The following CNGA3 variants were observed in gnomAD, a reference collection of about 807,000 sequenced individuals.
The protein encoded by CNGA3 is cyclic nucleotide-gated channel alpha-3.
Under a neutral mutation model 46.6 loss-of-function variants are expected in CNGA3, and 42 were observed. The observed-to-expected ratio is 0.90, with a 90% CI of 0.70 to 1.17. The LOEUF (loss-of-function observed/expected upper bound fraction) is 1.17. Among genes scored for constraint, CNGA3 ranks in the 50% most tolerant of loss-of-function variants. CNGA3 has a pLI of 0.00. For missense variants in CNGA3, 893 were observed against 890.7 expected (o/e 1.00, Z -0.03); for synonymous variants, 394 against 369.4 (o/e 1.07, Z -0.76).
At chr2:98,387,946 CGTCTCCA>C (rs2104224825) in intron 5 of CNGA3, among the ~76,000 whole-genome samples, 1 of 152,308 alleles carries the variant, frequency 6.6e-6, no homozygotes, top group Non-Finnish European at 1.5e-5. Context: ...TACCTCAAAA[CGTCTCCA>C]GTCTCTGGCT....
intron 1 of CNGA3, among the ~76,000 whole-genome samples, chr2:98,351,679 G>T (rs746134576): frequency 6.6e-6 from 1 of 152,128 alleles, no homozygotes; most frequent in African/African-American, 2.4e-5. Context: ...CACGTAAAAA[G>T]TTATAGAGCA....
intron 1 of CNGA3, among the ~76,000 whole-genome samples, chr2:98,358,021 T>A (rs1376914553): frequency 1.3e-5 from 2 of 152,262 alleles, no homozygotes; most frequent in Non-Finnish European, 2.9e-5. Flanking sequence ...GATTCACGCG[T>A]GATGGATATG....
At chr2:98,379,466 G>T (rs1469784030) in intron 3 of CNGA3, among the ~76,000 whole-genome samples, 1 of 151,940 alleles carries the variant, frequency 6.6e-6, no homozygotes, top group Non-Finnish European at 1.5e-5. Context: ...TGGAGGGAAG[G>T]CCCCTCTCAG....
chr2:98,373,499 G>A (rs1353063755), intron 2 of CNGA3, among the ~76,000 whole-genome samples: 1 of 152,146 alleles, frequency 6.6e-6, no homozygotes, highest in Non-Finnish European at 1.5e-5. Flanking sequence ...CCAAGTCTCT[G>A]TCCCCTGAGA....
At chr2:98,375,905 C>T (rs1437888246) in intron 2 of CNGA3, among the ~76,000 whole-genome samples, 4 of 152,064 alleles carry the variant, frequency 2.6e-5, no homozygotes, top group Non-Finnish European at 5.9e-5. Context: ...TCTGAACTCC[C>T]ATTTCCTCTC....
At chr2:98,395,762 T>C (rs1427455632) in intron 7 of CNGA3, 82 bp from the exon 8 acceptor site, 2 of 1,133,970 alleles carry the variant, frequency 1.8e-6, no homozygotes, top group Non-Finnish European at 2.7e-6. Context: ...TGTGTAGCCG[T>C]GAGGTAAAAT....
intron 4 of CNGA3, among the ~76,000 whole-genome samples, chr2:98,381,518 T>A (rs1233221824): frequency 6.6e-6 from 1 of 151,942 alleles, no homozygotes; most frequent in African/African-American, 2.4e-5. Context: ...CATATTTGTA[T>A]GGGGAGTGGC....
At chr2:98,379,178 C>T (rs572976484) in intron 3 of CNGA3, among the ~76,000 whole-genome samples, 4 of 152,306 alleles carry the variant, frequency 2.6e-5, no homozygotes, top group African/African-American at 9.6e-5. Context: ...AATATGTCTG[C>T]GGCAGCAGCT....
At chr2:98,386,914 C>T (rs1028647139) in intron 5 of CNGA3, among the ~76,000 whole-genome samples, 1 of 152,158 alleles carries the variant, frequency 6.6e-6, no homozygotes, top group African/African-American at 2.4e-5. Context: ...ATCAGAGCCC[C>T]GCCTAGAGAC....
chr2:98,373,445 G>A (rs921997263), intron 2 of CNGA3, among the ~76,000 whole-genome samples: 1 of 152,176 alleles, frequency 6.6e-6, no homozygotes, highest in African/African-American at 2.4e-5. Context: ...AAACCTGCGT[G>A]TGGGTATGGC....
intron 1 of CNGA3, among the ~76,000 whole-genome samples, chr2:98,347,351 C>G (rs1007617731): frequency 1.3e-5 from 2 of 152,186 alleles, no homozygotes. Flanking sequence ...GATAAAGGCG[C>G]CGGGCTCCCA....
chr2:98,372,304 C>T (rs543775906), intron 2 of CNGA3, among the ~76,000 whole-genome samples: 30 of 152,328 alleles, frequency 2.0e-4, no homozygotes, highest in African/African-American at 6.7e-4. Context: ...AAATGAATTG[C>T]TAGCTTGTTA....
rs1692252505 is a variant in CNGA3, at chr2:98,370,095, G to C, written c.101+19G>C. ...TCAGCAGGTAAGATGGGCTAAGATG[G>C]GCTTTTCATTTTATGCCTGGCTCTG... On this transcript the variant is annotated intron_variant, in intron 2 of 7. Transcript: ENST00000272602. The C allele has an allele frequency of 1.9e-6, 3 of 1,575,548 alleles. No individual in the cohort carries two copies. The highest frequency in any genetic ancestry group is 2.6e-6 in the Non-Finnish European group (3 of 1,146,320).
Position 98,369,831 on chromosome 2 carries a change from G to A in CNGA3, c.-37-108G>A, listed in dbSNP as rs2104174414. ...ACAAGAGACAGCAGAGGGTGTGCCT[G>A]CCAGGGCTTGCAGGGGGGCCGCGTG... On this transcript the variant is annotated intron_variant, in intron 1 of 7. Coordinates refer to ENST00000272602, the MANE Select transcript of CNGA3 (RefSeq NM_001298.3). The A allele has an allele frequency of 7.2e-6, 5 of 693,360 alleles. No individual in the cohort carries two copies. The South Asian group carries it at 8.2e-5, about 11-fold the overall frequency. The allele number at this position is 693,360 out of a possible 1,614,324, so 43.0% of individuals were successfully genotyped here.
chr2:98,369,908 A>T, intron 1 of CNGA3, 31 bp from the exon 2 acceptor site: 1 of 1,393,318 alleles, frequency 7.2e-7, no homozygotes, highest in Non-Finnish European at 1.0e-6. Flanking sequence ...TCCTGTCCTG[A>T]TGACGTGTCT....
At chr2:98,386,593 C>G (rs982444434) in intron 5 of CNGA3, among the ~76,000 whole-genome samples, 5 of 152,240 alleles carry the variant, frequency 3.3e-5, no homozygotes, top group Admixed American at 2.0e-4. Context: ...ATTACCCACC[C>G]TCGGGTATGC....
chr2:98,353,100 G>T (rs1020374460), intron 1 of CNGA3, among the ~76,000 whole-genome samples: 20 of 152,108 alleles, frequency 1.3e-4, no homozygotes, highest in Non-Finnish European at 2.9e-5. Context: ...TCTTACAATA[G>T]ATTAAGCAAG....
At chr2:98,357,558 GC>G (rs1691911943) in intron 1 of CNGA3, among the ~76,000 whole-genome samples, 1 of 152,112 alleles carries the variant, frequency 6.6e-6, no homozygotes, top group African/African-American at 2.4e-5. Context: ...CAAATGTTGT[GC>G]TCTCAATGGC....
intron 2 of CNGA3, among the ~76,000 whole-genome samples, chr2:98,371,298 C>T (rs79725305): frequency 0.13 from 19,518 of 152,186 alleles, 1,486 homozygotes; most frequent in Non-Finnish European, 0.18. Context: ...CAGTCCCCAC[C>T]TCCCTGCACT....
Sources: gnomAD v4.1 joint callset for allele counts (sites outside exome capture counted in the v4.1 genomes callset) on GRCh38, gnomAD v4.1.1 for gene constraint, MANE v1.5 for transcripts, NCBI Gene and HGNC (gene_info 2026-07-23, HGNC 2026-07-21) for gene names.